Variants in ARHGAP42 observed in about 807,000 individuals in gnomAD.
ARHGAP42 encodes the protein Rho GTPase activating protein 42, also known as rho GTPase-activating protein 42.
Under a neutral mutation model 125.0 loss-of-function variants are expected in ARHGAP42, and 63 were observed. That is an observed-to-expected ratio of 0.50 (90% CI 0.41 to 0.62). The LOEUF (loss-of-function observed/expected upper bound fraction) is 0.62, where lower values mean the gene tolerates loss of function less well. Among genes scored for constraint, ARHGAP42 ranks in the 20% least tolerant of loss-of-function variants. The pLI is 0.00. For missense variants in ARHGAP42, 766 were observed against 1,024.2 expected, an observed-to-expected ratio of 0.75 and a Z score of 3.44; for synonymous variants, 339 against 351.0, an observed-to-expected ratio of 0.97 and a Z score of 0.38.
intron 1 of ARHGAP42, among the ~76,000 whole-genome samples, chr11:100,702,796 C>T (rs868105248): frequency 1.3e-4 from 20 of 151,938 alleles, no homozygotes; most frequent in African/African-American, 3.9e-4. Context: ...CTCAGCCTCC[C>T]GAGTAGCTGG....
chr11:100,832,522 T>C (rs1864686722), intron 3 of ARHGAP42, among the ~76,000 whole-genome samples: 1 of 152,200 alleles, frequency 6.6e-6, no homozygotes, highest in Non-Finnish European at 1.5e-5. Flanking sequence ...CTAAAAGTCT[T>C]CCTAACACGA....
intron 1 of ARHGAP42, among the ~76,000 whole-genome samples, chr11:100,761,351 T>C (rs1294514169): frequency 1.3e-5 from 2 of 152,156 alleles, no homozygotes; most frequent in African/African-American, 4.8e-5. Flanking sequence ...GAGGAATTGT[T>C]GTTGAGGCAG....
chr11:100,965,179 C>T (rs1229096978), intron 16 of ARHGAP42, among the ~76,000 whole-genome samples: 2 of 152,118 alleles, frequency 1.3e-5, no homozygotes, highest in Non-Finnish European at 1.5e-5. Flanking sequence ...TCCATTACCT[C>T]ACCTCCCACT....
intron 1 of ARHGAP42, among the ~76,000 whole-genome samples, chr11:100,747,578 G>A (rs1027291134): frequency 3.3e-5 from 5 of 152,192 alleles, no homozygotes; most frequent in African/African-American, 1.2e-4. Flanking sequence ...TACCCAATGT[G>A]TTTACACACA....
chr11:100,873,713 C>A (rs920378027), intron 4 of ARHGAP42, among the ~76,000 whole-genome samples: 7 of 152,158 alleles, frequency 4.6e-5, no homozygotes, highest in African/African-American at 1.7e-4. Flanking sequence ...ACAACAAATC[C>A]ATGAGGTAGG....
intron 3 of ARHGAP42, among the ~76,000 whole-genome samples, chr11:100,846,405 G>T (rs55864876): frequency 6.6e-6 from 1 of 152,074 alleles, no homozygotes; most frequent in African/African-American, 2.4e-5. Flanking sequence ...TGTTTAGTTT[G>T]TAGGAATGTA....
intron 17 of ARHGAP42, 77 bp downstream of exon 17, chr11:100,965,853 A>G (rs1858076949): frequency 4.0e-6 from 5 of 1,258,342 alleles, no homozygotes; most frequent in Middle Eastern, 3.8e-4. Flanking sequence ...AAAGTGTGTG[A>G]TGATGTTATA....
intron 3 of ARHGAP42, among the ~76,000 whole-genome samples, chr11:100,809,992 G>A (rs1441486031): frequency 6.6e-6 from 1 of 151,606 alleles, no homozygotes; most frequent in Non-Finnish European, 1.5e-5. Flanking sequence ...TAAAATGAAA[G>A]AAACAAAATT....
chr11:100,788,142 C>T (rs1251055453), intron 2 of ARHGAP42, among the ~76,000 whole-genome samples: 1 of 152,148 alleles, frequency 6.6e-6, no homozygotes, highest in Non-Finnish European at 1.5e-5. Context: ...TAAGCTCCTC[C>T]AACTTGGTAT....
intron 3 of ARHGAP42, among the ~76,000 whole-genome samples, chr11:100,844,079 T>A (rs1025160122): frequency 2.6e-5 from 4 of 152,110 alleles, no homozygotes; most frequent in African/African-American, 9.7e-5. Context: ...CAAAATAGCA[T>A]GGTACTGGTA....
chr11:100,906,776 A>G (rs1302217124), intron 4 of ARHGAP42, among the ~76,000 whole-genome samples: 12 of 151,944 alleles, frequency 7.9e-5, no homozygotes, highest in Non-Finnish European at 1.0e-4. Context: ...ATGTTGTTTT[A>G]TGTATCTATT....
In ARHGAP42 at chr11:100,976,283, G is replaced by A. The variant is rs1050167670; in HGVS notation, c.2082G>A (p.Lys694=). 7 of 1,551,614 alleles carry A rather than the reference G, an allele frequency of 4.5e-6. No homozygotes were observed. Among genetic ancestry groups the A allele is most frequent in the African/African-American group, 4.1e-5 (3 of 73,016 alleles). ...CAAGTTCCAGAGAAGATGCAACCAA[G>A]ACAGATGCAGAATCAGACTGCCAGA... ...PESSSREDAT[K]TDAESDCQSV... Residue 694 remains lysine (K), a synonymous_variant, in exon 20 of 24, where the codon AAG becomes AAA. Transcript: ENST00000298815.
At chr11:100,890,532 C>T (rs1866192310) in intron 4 of ARHGAP42, among the ~76,000 whole-genome samples, 1 of 152,064 alleles carries the variant, frequency 6.6e-6, no homozygotes, top group African/African-American at 2.4e-5. Flanking sequence ...TTAAGGACCC[C>T]AAAGATAGTA....
In ARHGAP42 at chr11:100,976,318, C is replaced by T. The variant is rs1228250670; in HGVS notation, c.2117C>T (p.Ser706Leu). 5.2e-6 allele frequency: 8 copies of T among 1,551,702 alleles called. No homozygotes were observed. Among genetic ancestry groups the T allele is most frequent in the South Asian group, 3.6e-5 (3 of 84,036 alleles). ...DAESDCQSVA[S>L]VTSPGDVSPP... ...GAATCAGACTGCCAGAGTGTTGCTT[C>T]AGTCACTAGCCCAGGAGACGTTTCC... The change falls in exon 20 of 24, where the codon TCA (serine) becomes TTA (leucine). Residue 706 changes from serine (S) to leucine (L), a missense_variant. Around this residue, in one of 3 missense-constraint regions of ARHGAP42, gnomAD observed 308 missense variants for 369.7 expected, o/e 0.83. Coordinates refer to ENST00000298815, the MANE Select transcript of ARHGAP42 (RefSeq NM_152432.4).
intron 1 of ARHGAP42, among the ~76,000 whole-genome samples, chr11:100,739,996 C>T (rs764085345): frequency 3.3e-5 from 5 of 151,386 alleles, no homozygotes; most frequent in Non-Finnish European, 4.4e-5. Flanking sequence ...TTGTTTTTTG[C>T]GTGTTGAAAT....
At chr11:100,793,675 C>T (rs1863630349) in intron 2 of ARHGAP42, among the ~76,000 whole-genome samples, 1 of 148,684 alleles carries the variant, frequency 6.7e-6, no homozygotes, top group African/African-American at 2.5e-5. Context: ...TTCTCACTTA[C>T]TTGTCTTTGT....
At chr11:100,744,298 G>A (rs1380149295) in intron 1 of ARHGAP42, among the ~76,000 whole-genome samples, 4 of 152,122 alleles carry the variant, frequency 2.6e-5, no homozygotes, top group Non-Finnish European at 5.9e-5. Flanking sequence ...CTGAATTTCT[G>A]ATTTCTTCAT....
At chr11:100,876,611 G>T (rs1865829708) in intron 4 of ARHGAP42, among the ~76,000 whole-genome samples, 2 of 152,172 alleles carry the variant, frequency 1.3e-5, no homozygotes, top group Admixed American at 1.3e-4. Flanking sequence ...GTTTCCTTGG[G>T]ATTGTGCAGA....
intron 1 of ARHGAP42, among the ~76,000 whole-genome samples, chr11:100,691,908 C>T (rs71476642): frequency 0.15 from 23,025 of 151,526 alleles, 2,205 homozygotes; most frequent in East Asian, 0.24. Flanking sequence ...TTTAGCCATT[C>T]CACAATGTAT....
Sources: gnomAD v4.1 joint callset for allele counts (sites outside exome capture counted in the v4.1 genomes callset) on GRCh38, gnomAD v4.1.1 for gene constraint, gnomAD v4.1.1 regional missense constraint, MANE v1.5 for transcripts, NCBI Gene and HGNC (gene_info 2026-07-23, HGNC 2026-07-21) for gene names.